GALNTL6: variants seen among roughly 807,000 people sequenced by gnomAD.
The protein encoded by GALNTL6 is polypeptide N-acetylgalactosaminyltransferase-like 6.
In GALNTL6, 46 loss-of-function variants were observed where a neutral mutation model predicts 73.7. The ratio of observed to expected loss-of-function variants is 0.62; its 90% CI spans 0.49 to 0.80. The LOEUF is 0.80. GALNTL6 is among the 30% of genes least tolerant of loss of function. GALNTL6 has a pLI of 0.00. For missense variants in GALNTL6, 604 were observed against 755.0 expected, an observed-to-expected ratio of 0.80 and a Z score of 2.34; for synonymous variants, 259 against 263.7, an observed-to-expected ratio of 0.98 and a Z score of 0.17.
At chr4:172,278,545 T>A (rs988737855) in intron 3 of GALNTL6, among the ~76,000 whole-genome samples, 7 of 152,146 alleles carry the variant, frequency 4.6e-5, no homozygotes, top group Non-Finnish European at 7.4e-5. Context: ...CCCTGTATCA[T>A]CTGTAGATCA....
intron 2 of GALNTL6, among the ~76,000 whole-genome samples, chr4:171,942,241 GATAAATAAATAA>G (rs994011783): frequency 3.3e-4 from 10 of 30,206 alleles, no homozygotes; most frequent in African/African-American, 4.5e-4. Flanking sequence ...AAAATAAATA[GATAAATAAATAA>G]ATAAATAAAT....
intron 4 of GALNTL6, among the ~76,000 whole-genome samples, chr4:172,347,215 C>T (rs1578980057): frequency 6.6e-6 from 1 of 152,024 alleles, no homozygotes. Context: ...ATCTTGAACT[C>T]CAGGACTCAA....
chr4:172,770,300 T>TAAATAAATAAGC (rs1414055071), intron 5 of GALNTL6, among the ~76,000 whole-genome samples: 2 of 151,040 alleles, frequency 1.3e-5, no homozygotes, highest in Non-Finnish European at 2.9e-5. Flanking sequence ...AATAAATAAA[T>TAAATAAATAAGC]AAGCTTTTAT....
chr4:173,021,737 T>A, intron 12 of GALNTL6, 112 bp downstream of exon 12: 1 of 1,096,060 alleles, frequency 9.1e-7, no homozygotes, highest in Non-Finnish European at 1.3e-6. Flanking sequence ...CTCACACCTG[T>A]AATCCTGGCA....
At chr4:172,260,242 C>A (rs1738213673) in intron 3 of GALNTL6, among the ~76,000 whole-genome samples, 1 of 151,770 alleles carries the variant, frequency 6.6e-6, no homozygotes, top group African/African-American at 2.4e-5. Context: ...GAATGTGTTA[C>A]CATTTGTTTG....
chr4:171,914,629 T>C (rs1043920701), intron 2 of GALNTL6, among the ~76,000 whole-genome samples: 6 of 151,772 alleles, frequency 4.0e-5, no homozygotes, highest in Non-Finnish European at 5.9e-5. Flanking sequence ...TTGGCCAGGC[T>C]GGTCTCAAAC....
At chr4:171,889,018 A>G (rs1157733230) in intron 2 of GALNTL6, among the ~76,000 whole-genome samples, 5 of 152,082 alleles carry the variant, frequency 3.3e-5, no homozygotes, top group African/African-American at 1.2e-4. Flanking sequence ...TTGCTACTTC[A>G]TATGATCCTT....
intron 8 of GALNTL6, 33 bp from the exon 9 acceptor site, chr4:172,931,128 C>G: frequency 8.9e-7 from 1 of 1,127,580 alleles, no homozygotes; most frequent in South Asian, 1.2e-5. Flanking sequence ...GTGAAATTCA[C>G]TGTTGTCTTT....
At chr4:172,873,784 A>C (rs1249492574) in intron 7 of GALNTL6, among the ~76,000 whole-genome samples, 1 of 152,212 alleles carries the variant, frequency 6.6e-6, no homozygotes, top group African/African-American at 2.4e-5. Context: ...TAAGAAATTA[A>C]GGTCATTAAG....
intron 2 of GALNTL6, among the ~76,000 whole-genome samples, chr4:172,072,307 T>A (rs759945022): frequency 6.6e-6 from 1 of 152,164 alleles, no homozygotes; most frequent in African/African-American, 2.4e-5. Flanking sequence ...GGAATCTATA[T>A]CAAATTTTTA....
At chr4:171,921,247 G>A (rs1737777450) in intron 2 of GALNTL6, among the ~76,000 whole-genome samples, 1 of 151,980 alleles carries the variant, frequency 6.6e-6, no homozygotes, top group Non-Finnish European at 1.5e-5. Context: ...ATCAATACCA[G>A]ATGACCAAAG....
chr4:172,129,577 C>T (rs893311178), intron 2 of GALNTL6, among the ~76,000 whole-genome samples: 5 of 152,100 alleles, frequency 3.3e-5, no homozygotes, highest in Non-Finnish European at 7.4e-5. Context: ...AAATCATTTA[C>T]AGATGCACGC....
At chr4:171,942,835 C>T (rs1313550795) in intron 2 of GALNTL6, among the ~76,000 whole-genome samples, 12 of 152,190 alleles carry the variant, frequency 7.9e-5, no homozygotes, top group African/African-American at 2.9e-4. Flanking sequence ...GAAAGGGTGC[C>T]TTGCACATTT....
chr4:171,927,727 G>T (rs1738032068), intron 2 of GALNTL6, among the ~76,000 whole-genome samples: 1 of 152,118 alleles, frequency 6.6e-6, no homozygotes, highest in South Asian at 2.1e-4. Context: ...TAAAATTTGT[G>T]ATTCCCTTTG....
At chr4:172,362,229 TA>T in intron 5 of GALNTL6, among the ~76,000 whole-genome samples, 1 of 152,274 alleles carries the variant, frequency 6.6e-6, no homozygotes, top group Non-Finnish European at 1.5e-5. Flanking sequence ...CCTGTGAATT[TA>T]TAAAGTTAAT....
chr4:172,022,505 A>G (rs748018803), intron 2 of GALNTL6, among the ~76,000 whole-genome samples: 4 of 152,012 alleles, frequency 2.6e-5, no homozygotes, highest in Middle Eastern at 3.2e-3. Context: ...TTCTGACTCC[A>G]CATATCCATG....
Position 172,705,219 on chromosome 4 carries a change from T to TTTG in GALNTL6, c.554-104140_554-104139insGTT, listed in dbSNP as rs1553975279. Among the ~76,000 whole-genome samples, 237 of 151,280 alleles carry TTTG rather than the reference T, an allele frequency of 1.6e-3. 1 individual carries two copies. The highest frequency in any genetic ancestry group is 5.4e-3 in the African/African-American group (220 of 41,058). On this transcript the variant is annotated intron_variant, in intron 5 of 12. Coordinates refer to ENST00000506823, the MANE Select transcript of GALNTL6 (RefSeq NM_001034845.3). ...GTAAGGACTTACTACTGCTATTTTTTTTTTGTTTTATGGTTGTTTTGTAGC... is the reference window on the plus strand; with the variant it reads ...GTAAGGACTTACTACTGCTATTTTTTTTGTTTTGTTTTATGGTTGTTTTGTAGC...
chr4:171,954,580 T>C (rs1311535703), intron 2 of GALNTL6, among the ~76,000 whole-genome samples: 1 of 152,210 alleles, frequency 6.6e-6, no homozygotes, highest in Non-Finnish European at 1.5e-5. Flanking sequence ...GATAAGTACA[T>C]ACATATTTGT....
chr4:172,804,650 C>A (rs926693581), intron 5 of GALNTL6, among the ~76,000 whole-genome samples: 1 of 152,224 alleles, frequency 6.6e-6, no homozygotes, highest in Non-Finnish European at 1.5e-5. Context: ...CTCTCTAATA[C>A]TGATGGTCAC....
Sources: allele counts gnomAD v4.1 joint callset (sites outside exome capture counted in the v4.1 genomes callset), GRCh38; gene constraint gnomAD v4.1.1; transcripts MANE v1.5; gene names NCBI Gene and HGNC (gene_info 2026-07-23, HGNC 2026-07-21).